The following KNG1 variants were observed in gnomAD, a reference collection of about 807,000 sequenced individuals.
KNG1 encodes the protein kininogen-1.
Under a neutral mutation model 47.8 loss-of-function variants are expected in KNG1, and 23 were observed. That is an observed-to-expected ratio of 0.48 (90% CI 0.35 to 0.68). The LOEUF is 0.68. KNG1 is among the 30% of genes least tolerant of loss of function. KNG1 has a pLI of 0.01. For missense variants in KNG1, 762 were observed against 790.2 expected, an observed-to-expected ratio of 0.96 and a Z score of 0.43; for synonymous variants, 277 against 277.0, an observed-to-expected ratio of 1.00 and a Z score of 0.00.
chr3:186,731,521 A>G (rs1720531937), intron 5 of KNG1, 24 bp from the exon 6 acceptor site: 3 of 1,442,176 alleles, frequency 2.1e-6, no homozygotes, highest in South Asian at 2.3e-5. Context: ...TTAACTGAGC[A>G]CTTATATGCT....
At chr3:186,719,609 G>A (rs896954831) in intron 1 of KNG1, among the ~76,000 whole-genome samples, 3 of 152,000 alleles carry the variant, frequency 2.0e-5, no homozygotes, top group Non-Finnish European at 4.4e-5. Context: ...GGCGCCTGTA[G>A]TCCCAGCTAC....
intron 3 of KNG1, among the ~76,000 whole-genome samples, chr3:186,723,591 T>C (rs1476776679): frequency 6.6e-6 from 1 of 152,200 alleles, no homozygotes; most frequent in Non-Finnish European, 1.5e-5. Flanking sequence ...TTAAATGATA[T>C]GATTTCAATT....
In KNG1 at chr3:186,717,480, C is replaced by T. The variant is rs1720013361; in HGVS notation, c.-63C>T. 8.4e-7 allele frequency: 1 copy of T among 1,195,700 alleles called. No homozygotes were observed. Among genetic ancestry groups the T allele is most frequent in the East Asian group, 2.3e-5 (1 of 42,968 alleles). 74.1% of individuals were successfully genotyped at this position (1,195,700 alleles called of 1,614,324 possible). ...GGCTGGAGATTGTCAAATTCAGTAT[C>T]CCAGTTGGCTCTTGATTCTTGGTGA... On this transcript the variant is annotated 5_prime_UTR_variant, in exon 1 of 10. Transcript: ENST00000644859.
Position 186,742,340 on chromosome 3 carries a change from G to A in KNG1, c.*9G>A. The A allele has an allele frequency of 1.2e-6, 2 of 1,613,226 alleles. No homozygotes were observed. Among genetic ancestry groups the A allele is most frequent in the Non-Finnish European group, 8.5e-7 (1 of 1,179,786 alleles). ...CTGATGGCCTTTCTTAATTTAAGTG[G>A]CTATGGGTATTTCTTTCATACTTTA... On this transcript the variant is annotated 3_prime_UTR_variant, in exon 10 of 10. Coordinates refer to ENST00000644859, the MANE Select transcript of KNG1 (RefSeq NM_001102416.3).
chr3:186,738,921 T>C (rs1305550776), intron 7 of KNG1, 178 bp from the exon 8 acceptor site: 4 of 605,564 alleles, frequency 6.6e-6, no homozygotes, highest in Non-Finnish European at 1.2e-5. Context: ...GACCAACCGA[T>C]AGCCAAATAT....
At chr3:186,730,864 AAT>A (rs1720513269) in intron 5 of KNG1, among the ~76,000 whole-genome samples, 1 of 151,364 alleles carries the variant, frequency 6.6e-6, no homozygotes. Context: ...ATAAATCTTT[AAT>A]ATGTTATTCA....
chr3:186,733,606 C>T (rs1043368339), intron 7 of KNG1, among the ~76,000 whole-genome samples: 3 of 152,210 alleles, frequency 2.0e-5, no homozygotes, highest in Admixed American at 1.3e-4. Flanking sequence ...TCCCAGATCA[C>T]TCTGGGTGGT....
intron 8 of KNG1, 58 bp from the exon 9 acceptor site, chr3:186,739,270 T>A: frequency 6.3e-7 from 1 of 1,581,578 alleles, no homozygotes; most frequent in Middle Eastern, 1.7e-4. Flanking sequence ...TAGAATCATT[T>A]GTTTAAATGT....
At position 186,739,200 on chromosome 3, in the gene KNG1, A is replaced by C. The variant is rs767718590; in HGVS notation, c.1032A>C (p.Lys344Asn). 1.9e-6 allele frequency: 3 copies of C among 1,613,642 alleles called. No homozygotes were observed. The highest frequency in any genetic ancestry group is 1.7e-5 in the Admixed American group (1 of 60,016). The change falls in exon 8 of 10, where the codon AAA becomes AAC. Residue 344 changes from lysine (K) to asparagine (N), a missense_variant. Lys to Asn is a moderately conservative substitution (Grantham distance 94). Coordinates refer to ENST00000644859, the MANE Select transcript of KNG1 (RefSeq NM_001102416.3). ...EELTESCETK[K>N]LGQSLDCNAE... ...TGACCGAAAGCTGTGAGACCAAAAA[A>C]CTTGGCGTGAGTAGTCATGCACCTG...
At chr3:186,737,633 T>C (rs1344780597) in intron 7 of KNG1, among the ~76,000 whole-genome samples, 3 of 152,054 alleles carry the variant, frequency 2.0e-5, no homozygotes, top group Non-Finnish European at 2.9e-5. Context: ...CTTGGCTCAC[T>C]GTAACCTCTG....
rs1720816487 is a variant in KNG1 at position 186,741,709 on chromosome 3, A to C, written c.1313A>C (p.Lys438Thr). 2 of 1,614,256 alleles carry C rather than the reference A, an allele frequency of 1.2e-6. No homozygotes were observed. ...RHDWGHEKQR[K>T]HNLGHGHKHE... ...GACTGGGGCCATGAAAAACAAAGAAAACATAATCTTGGCCATGGCCATAAA... is the reference window on the plus strand; with the variant it reads ...GACTGGGGCCATGAAAAACAAAGAACACATAATCTTGGCCATGGCCATAAA... Residue 438 changes from lysine (K) to threonine (T), a missense_variant, in exon 10 of 10, where the codon AAA becomes ACA. Physicochemically the swap from Lys to Thr is moderately conservative, Grantham distance 78 (BLOSUM62 -1). Coordinates refer to ENST00000644859, the MANE Select transcript of KNG1 (RefSeq NM_001102416.3).
intron 7 of KNG1, chr3:186,738,893 A>G: frequency 7.4e-6 from 4 of 541,394 alleles, no homozygotes; most frequent in Non-Finnish European, 1.3e-5. Context: ...TTCTTCCCCC[A>G]CTTAGAAAAG....
rs192681886 is a variant in KNG1, at chr3:186,742,852, C to T, written c.*521C>T. The T allele has an allele frequency of 7.4e-6, 7 of 943,730 alleles. No individual in the cohort carries two copies. The East Asian group carries it at 4.6e-4, about 62-fold the overall frequency. 58.5% of individuals were successfully genotyped at this position (943,730 alleles called of 1,614,324 possible). A position where few individuals can be genotyped will look rare whatever the true frequency, so the allele number is the denominator to read the frequency against. On this transcript the variant is annotated 3_prime_UTR_variant, in exon 10 of 10. Transcript: ENST00000644859. Reference sequence around the variant, plus strand: ...AGTGAGCCGAGATCGTGCCACTGCGCTCCAGCCTGGGCATCAGAGCAAGAT... The same window carrying T: ...AGTGAGCCGAGATCGTGCCACTGCGTTCCAGCCTGGGCATCAGAGCAAGAT...
rs2108633901 is a variant in KNG1, at chr3:186,736,670, T to C, written c.931-2429T>C. ...AAAGTCCTAGGAATGTCAAATAATATGTAGATATATAAGACTTGATGCAAA... is the reference window on the plus strand; with the variant it reads ...AAAGTCCTAGGAATGTCAAATAATACGTAGATATATAAGACTTGATGCAAA... On this transcript the variant is annotated intron_variant, in intron 7 of 9. Coordinates refer to ENST00000644859, the MANE Select transcript of KNG1 (RefSeq NM_001102416.3). 2 of 152,322 alleles carry C rather than the reference T, an allele frequency of 1.3e-5. 1 individual carries two copies. Among genetic ancestry groups the C allele is most frequent in the Middle Eastern group, 6.8e-3 (2 of 294 alleles). The allele number at this position is 152,322 out of a possible 1,614,324, so 9.4% of individuals were successfully genotyped here.
At chr3:186,729,212 T>C (rs898584626) in intron 5 of KNG1, among the ~76,000 whole-genome samples, 2 of 152,218 alleles carry the variant, frequency 1.3e-5, no homozygotes, top group African/African-American at 4.8e-5. Context: ...AGAACTTTTG[T>C]ACATTGCTGG....
Position 186,732,527 on chromosome 3 carries a change from C to T in KNG1, c.783C>T (p.Thr261=). 2.5e-6 allele frequency: 4 copies of T among 1,614,124 alleles called. No individual in the cohort carries two copies. The highest frequency in any genetic ancestry group is 3.4e-6 in the Non-Finnish European group (4 of 1,180,028). The change falls in exon 7 of 10, where the codon ACC becomes ACT. Residue 261 remains threonine (T), a synonymous_variant. Transcript: ENST00000644859. The part of the protein sequence containing the change: ...YPGKDFVQPP[T]KICVGCPRDI... ...GGAAGGATTTTGTACAACCACCTAC[C>T]AAGATTTGCGTGGGCTGCCCCAGAG...
At chr3:186,741,067 C>G (rs1023838578) in intron 9 of KNG1, among the ~76,000 whole-genome samples, 4 of 151,774 alleles carry the variant, frequency 2.6e-5, no homozygotes, top group African/African-American at 9.7e-5. Context: ...CATCTCAGCT[C>G]ACTGCAACCT....
chr3:186,731,406 CTA>C, intron 5 of KNG1, 137 bp from the exon 6 acceptor site: 1 of 654,930 alleles, frequency 1.5e-6, no homozygotes. Flanking sequence ...TGCAGTAAGA[CTA>C]TGTTTTGCTT....
chr3:186,738,124 T>C (rs746060948), intron 7 of KNG1, among the ~76,000 whole-genome samples: 1 of 152,004 alleles, frequency 6.6e-6, no homozygotes, highest in Non-Finnish European at 1.5e-5. Flanking sequence ...ATTACAGGTG[T>C]GCATCACAAA....
Sources: allele counts gnomAD v4.1 joint callset (sites outside exome capture counted in the v4.1 genomes callset), GRCh38; gene constraint gnomAD v4.1.1; transcripts MANE v1.5; gene names NCBI Gene and HGNC (gene_info 2026-07-23, HGNC 2026-07-21).